Variants in ABLIM3 observed in about 807,000 individuals in gnomAD.
The protein encoded by ABLIM3 is actin-binding LIM protein 3.
ABLIM3 carries 61 observed loss-of-function variants against 109.5 expected under a neutral mutation model. That is an observed-to-expected ratio of 0.56 (90% CI 0.45 to 0.69). The LOEUF (loss-of-function observed/expected upper bound fraction) is 0.69, where lower values mean the gene tolerates loss of function less well. Ranked by LOEUF, ABLIM3 falls within the 30% of genes least tolerant of loss-of-function variation. The pLI is 0.00. For synonymous variants in ABLIM3, 300 were observed against 324.8 expected (o/e 0.92, Z 0.82); for missense variants, 796 against 889.5 (o/e 0.89, Z 1.34).
chr5:149,167,403 A>G (rs1180856937), intron 2 of ABLIM3, among the ~76,000 whole-genome samples: 1 of 152,178 alleles, frequency 6.6e-6, no homozygotes, highest in Admixed American at 6.5e-5. Flanking sequence ...AGAGTTTGCA[A>G]TAAAACTTAA....
chr5:149,192,744 T>C (rs1286759601), intron 3 of ABLIM3, among the ~76,000 whole-genome samples: 4 of 151,884 alleles, frequency 2.6e-5, no homozygotes, highest in African/African-American at 9.7e-5. Flanking sequence ...CTAGCAATGA[T>C]CATCAATAGC....
At chr5:149,156,039 G>A (rs1170369844) in intron 2 of ABLIM3, among the ~76,000 whole-genome samples, 1 of 152,260 alleles carries the variant, frequency 6.6e-6, no homozygotes, top group Non-Finnish European at 1.5e-5. Flanking sequence ...GTTGTGAGTG[G>A]ATGCGAGGGA....
intron 3 of ABLIM3, among the ~76,000 whole-genome samples, chr5:149,193,098 CAAAAAAAGAAAAG>C (rs1757649272): frequency 6.6e-6 from 1 of 151,612 alleles, no homozygotes; most frequent in Non-Finnish European, 1.5e-5. Flanking sequence ...GTCACTAAAA[CAAAAAAAGAAAAG>C]AAAAAAAGGA....
intron 2 of ABLIM3, among the ~76,000 whole-genome samples, chr5:149,178,966 G>C (rs545131844): frequency 3.3e-5 from 5 of 152,280 alleles, no homozygotes; most frequent in African/African-American, 1.2e-4. Context: ...TGGAACCCAG[G>C]TTACCCCAGC....
chr5:149,161,401 T>C (rs1306677714), intron 2 of ABLIM3, among the ~76,000 whole-genome samples: 3 of 152,184 alleles, frequency 2.0e-5, no homozygotes, highest in Non-Finnish European at 4.4e-5. Flanking sequence ...GCCTTCCCTC[T>C]CTGCCTGGCT....
rs533123487 is a variant in ABLIM3, at chr5:149,260,536, A to C, written c.*2132A>C. On this transcript the variant is annotated 3_prime_UTR_variant, in exon 24 of 24. Coordinates refer to ENST00000309868, the MANE Select transcript of ABLIM3 (RefSeq NM_014945.5). ...TTTTTCAAAATGAAAGCACCAAAAC[A>C]GCAGCCACTCCTTTGGCCTCAGTTT... 6.5e-6 allele frequency: 1 copy of C among 152,740 alleles called. No individual in the cohort carries two copies. The highest frequency in any genetic ancestry group is 1.9e-4 in the East Asian group (1 of 5,190). The allele number at this position is 152,740 out of a possible 1,614,324, so 9.5% of individuals were successfully genotyped here. A position where few individuals can be genotyped will look rare whatever the true frequency, so the allele number is the denominator to read the frequency against.
intron 10 of ABLIM3, among the ~76,000 whole-genome samples, chr5:149,236,632 A>G (rs573922410): frequency 2.6e-4 from 40 of 152,176 alleles, no homozygotes; most frequent in African/African-American, 9.6e-4. Flanking sequence ...GTCAAGCAGA[A>G]GGTAGAGGCT....
intron 2 of ABLIM3, among the ~76,000 whole-genome samples, chr5:149,155,266 G>A (rs561626191): frequency 2.0e-5 from 3 of 152,254 alleles, no homozygotes; most frequent in South Asian, 2.1e-4. Context: ...TGATCTTCCC[G>A]TTGGATGCCC....
rs185009625 is a variant in ABLIM3 at position 149,254,529 on chromosome 5, G to C, written c.1938+1692G>C. 4.3e-3 allele frequency among the ~76,000 whole-genome samples: 661 copies of C among 152,298 alleles called. 3 individuals carry two copies. Among genetic ancestry groups the C allele is most frequent in the Non-Finnish European group, 6.5e-3 (442 of 68,016 alleles). On this transcript the variant is annotated intron_variant, in intron 23 of 23. Coordinates refer to ENST00000309868, the MANE Select transcript of ABLIM3 (RefSeq NM_014945.5). ...TCAGCACCCCTCAGGAAAAGCATAT[G>C]AGCTGCCCTTGACTTGATGGCGTGG...
intron 22 of ABLIM3, 102 bp downstream of exon 22, chr5:149,252,310 CATAG>C: frequency 7.3e-7 from 1 of 1,368,786 alleles, no homozygotes; most frequent in Non-Finnish European, 1.0e-6. Context: ...GGGAAGGGAA[CATAG>C]ATAAATAACC....
rs1754717783 is a variant in ABLIM3 at position 149,259,406 on chromosome 5, A to G, written c.*1002A>G. On this transcript the variant is annotated 3_prime_UTR_variant, in exon 24 of 24. Transcript: ENST00000309868. ...CTGAACAACCAGACAGACAACTCTC[A>G]TCATCCTCCAGAGAGAAAATAGGCC... 4.0e-6 allele frequency: 6 copies of G among 1,492,086 alleles called. No homozygotes were observed. The highest frequency in any genetic ancestry group is 4.5e-6 in the Non-Finnish European group (5 of 1,123,208). 92.4% of individuals were successfully genotyped at this position (1,492,086 alleles called of 1,614,324 possible).
intron 2 of ABLIM3, among the ~76,000 whole-genome samples, chr5:149,182,445 G>T (rs1756551387): frequency 3.3e-5 from 5 of 152,148 alleles, no homozygotes; most frequent in Admixed American, 3.3e-4. Flanking sequence ...GTTTCTCAGT[G>T]GCAAAGTTAC....
At chr5:149,197,837 T>A (rs1449099452) in intron 3 of ABLIM3, among the ~76,000 whole-genome samples, 1 of 152,224 alleles carries the variant, frequency 6.6e-6, no homozygotes, top group East Asian at 1.9e-4. Context: ...CACCAGTGCT[T>A]CTTAGTGTGC....
chr5:149,240,359 G>T (rs1489761444), intron 13 of ABLIM3: 5 of 430,138 alleles, frequency 1.2e-5, no homozygotes, highest in South Asian at 3.1e-5. Context: ...CGTCCAAAAG[G>T]GGGAGGTTCA....
intron 6 of ABLIM3, among the ~76,000 whole-genome samples, chr5:149,208,495 C>T (rs1759241156): frequency 6.6e-6 from 1 of 152,014 alleles, no homozygotes; most frequent in African/African-American, 2.4e-5. Context: ...CAATCTGGCC[C>T]TCCCCAAGTG....
At chr5:149,199,228 G>C in intron 4 of ABLIM3, 4 of 414,734 alleles carry the variant, frequency 9.6e-6, no homozygotes, top group Admixed American at 2.7e-5. Context: ...GGACAGCTCT[G>C]ATTACATCAT....
At position 149,258,944 on chromosome 5, in the gene ABLIM3, AGC is replaced by A; in HGVS notation, c.*541_*542del. 3.0e-6 allele frequency: 3 copies of A among 990,116 alleles called. No individual in the cohort carries two copies. Among genetic ancestry groups the A allele is most frequent in the Non-Finnish European group, 3.6e-6 (3 of 833,012 alleles). 61.3% of individuals were successfully genotyped at this position (990,116 alleles called of 1,614,324 possible). ...TTGGGGCAATGCAGTTAAAAGGGTG[AGC>A]CTCAAATCTAGTCATTACACCAGTC... On this transcript the variant is annotated 3_prime_UTR_variant, in exon 24 of 24. Coordinates refer to ENST00000309868, the MANE Select transcript of ABLIM3 (RefSeq NM_014945.5).
intron 2 of ABLIM3, among the ~76,000 whole-genome samples, chr5:149,152,580 A>T (rs1319683992): frequency 6.6e-6 from 1 of 152,092 alleles, no homozygotes; most frequent in African/African-American, 2.4e-5. Context: ...GTTTTCAGAG[A>T]ACCTAGTAAA....
At chr5:149,179,607 CA>C (rs755177384) in intron 2 of ABLIM3, among the ~76,000 whole-genome samples, 1 of 151,250 alleles carries the variant, frequency 6.6e-6, no homozygotes, top group Non-Finnish European at 1.5e-5. Context: ...TTAATTTGTA[CA>C]TTTTTTTTTT....
Sources: allele counts gnomAD v4.1 joint callset (sites outside exome capture counted in the v4.1 genomes callset), GRCh38; gene constraint gnomAD v4.1.1; transcripts MANE v1.5; gene names NCBI Gene and HGNC (gene_info 2026-07-23, HGNC 2026-07-21).